Variants in PLXNA2 observed in about 807,000 individuals in gnomAD.
PLXNA2 encodes the protein plexin-A2.
Under a neutral mutation model 193.5 loss-of-function variants are expected in PLXNA2, and 91 were observed. The ratio of observed to expected loss-of-function variants is 0.47; its 90% CI spans 0.40 to 0.56. The LOEUF is 0.56. PLXNA2 is among the 20% of genes least tolerant of loss of function. The pLI, the probability that PLXNA2 is intolerant of heterozygous loss-of-function variation, is 0.00. For missense variants in PLXNA2, 1,995 were observed against 2,503.2 expected (o/e 0.80, Z 4.33); for synonymous variants, 997 against 1,027.3 (o/e 0.97, Z 0.56).
rs758852841 is a variant in PLXNA2, at chr1:208,152,677, A to ACACGCG, written c.1372-10215_1372-10214insCGCGTG. Among the ~76,000 whole-genome samples, 70 of 117,732 alleles carry ACACGCG rather than the reference A, an allele frequency of 5.9e-4. No homozygotes were observed. In the South Asian group the frequency reaches 6.1e-3, roughly 10 times the overall value. The allele number at this position is 117,732 out of a possible 152,430, so 77.2% of individuals were successfully genotyped here. On this transcript the variant is annotated intron_variant, in intron 3 of 31. Coordinates refer to ENST00000367033, the MANE Select transcript of PLXNA2 (RefSeq NM_025179.4). Reference sequence around the variant, plus strand: ...TATTCATGCATACACATACACACACACACACGCACACACACACACACACAC... The same window carrying ACACGCG: ...TATTCATGCATACACATACACACACACACGCGCACACGCACACACACACACACACAC...
chr1:208,054,637 G>T, intron 13 of PLXNA2, 99 bp from the exon 14 acceptor site: 1 of 817,928 alleles, frequency 1.2e-6, no homozygotes, highest in Non-Finnish European at 2.1e-6. Flanking sequence ...TCACAGTCTT[G>T]CAATAATGCC....
chr1:208,050,410 T>A (rs1665219517), intron 17 of PLXNA2, among the ~76,000 whole-genome samples: 1 of 152,266 alleles, frequency 6.6e-6, no homozygotes, highest in African/African-American at 2.4e-5. Context: ...GGGTTTTCAC[T>A]GGACCTCAAA....
chr1:208,029,763 C>G, intron 29 of PLXNA2: 1 of 985,588 alleles, frequency 1.0e-6, no homozygotes, highest in Non-Finnish European at 1.2e-6. Context: ...GAATTTATAA[C>G]CAGAGGAGAA....
intron 4 of PLXNA2, among the ~76,000 whole-genome samples, chr1:208,139,390 A>G (rs1668401682): frequency 6.6e-6 from 1 of 152,150 alleles, no homozygotes; most frequent in Non-Finnish European, 1.5e-5. Context: ...ATCACACACC[A>G]TCTCTATACT....
At chr1:208,051,193 A>C in intron 16 of PLXNA2, 63 bp downstream of exon 16, 14 of 1,595,202 alleles carry the variant, frequency 8.8e-6, no homozygotes, top group South Asian at 3.4e-5. Flanking sequence ...CATGAGCCAG[A>C]CTTGGGCTGC....
chr1:208,039,490 C>G, intron 24 of PLXNA2, 131 bp downstream of exon 24: 1 of 1,298,032 alleles, frequency 7.7e-7, no homozygotes, highest in African/African-American at 1.5e-5. Context: ...CTTAGTTGTC[C>G]TTTGGGCTCA....
Position 208,039,764 on chromosome 1 carries a change from A to C in PLXNA2, c.4357T>G (p.Cys1453Gly). ...AFLLHKFLKE[C>G]AGEPLFMLYC... is the part of the protein sequence containing the mutation. ...AGCATGAAGAGTGGCTCCCCTGCGCACTCCTGTGGGCACAGACAGGGCAGG... is the reference window on the plus strand; with the variant it reads ...AGCATGAAGAGTGGCTCCCCTGCGCCCTCCTGTGGGCACAGACAGGGCAGG... The change falls in exon 24 of 32, where the codon TGC becomes GGC. Residue 1453 changes from cysteine to glycine, a missense_variant. Physicochemically the swap from Cys to Gly is radical, Grantham distance 159. Coordinates refer to ENST00000367033, the MANE Select transcript of PLXNA2 (RefSeq NM_025179.4). 2 of 1,613,518 alleles carry C rather than the reference A, an allele frequency of 1.2e-6. No homozygotes were observed. Among genetic ancestry groups the C allele is most frequent in the Non-Finnish European group, 1.7e-6 (2 of 1,179,882 alleles).
intron 12 of PLXNA2, 68 bp downstream of exon 12, chr1:208,079,192 T>C (rs1666251064): frequency 4.4e-6 from 6 of 1,358,580 alleles, no homozygotes; most frequent in Non-Finnish European, 6.2e-6. Flanking sequence ...CAATTTGCAC[T>C]CCTCTCCCAC....
chr1:208,039,063 T>C, intron 24 of PLXNA2, 79 bp from the exon 25 acceptor site: 1 of 1,356,408 alleles, frequency 7.4e-7, no homozygotes, highest in East Asian at 2.3e-5. Flanking sequence ...CCTCAGAATC[T>C]TCTTTTTCCA....
chr1:208,135,374 G>A (rs2102473039), intron 4 of PLXNA2, among the ~76,000 whole-genome samples: 1 of 152,318 alleles, frequency 6.6e-6, no homozygotes, highest in East Asian at 1.9e-4. Context: ...AAGTCACTGA[G>A]AGGCCTGCTC....
chr1:208,220,929 GA>G (rs548872598), intron 1 of PLXNA2, among the ~76,000 whole-genome samples: 320 of 152,312 alleles, frequency 2.1e-3, no homozygotes, highest in Non-Finnish European at 3.4e-3. Flanking sequence ...GTGGCAAGGG[GA>G]AAGAAATAGA....
chr1:208,029,234 G>A, intron 29 of PLXNA2, 192 bp from the exon 30 acceptor site: 1 of 1,413,328 alleles, frequency 7.1e-7, no homozygotes, highest in Non-Finnish European at 9.2e-7. Flanking sequence ...GGAAGGAGAG[G>A]CACTTTGTAC....
chr1:208,082,310 T>A lies in PLXNA2; in HGVS notation c.2395+102A>T. On this transcript the variant is annotated intron_variant, in intron 11 of 31. Transcript: ENST00000367033. The surrounding 1 kb of genome is among the most constrained non-coding windows in gnomAD (Gnocchi z 4.2). ...AAGAGTTCCGCCGACAGAGGGAGTG[T>A]ATTATTCATGGCACAGCGGCTGGCT... The A allele has an allele frequency of 1.2e-6, 1 of 849,068 alleles. No individual in the cohort carries two copies. The highest frequency in any genetic ancestry group is 2.0e-6 in the Non-Finnish European group (1 of 509,486). The allele number at this position is 849,068 out of a possible 1,614,324, so 52.6% of individuals were successfully genotyped here.
chr1:208,038,478 G>C lies in PLXNA2; in HGVS notation c.4661-4C>G, dbSNP rs1320584858. The C allele has an allele frequency of 3.1e-6, 5 of 1,609,154 alleles. No homozygotes were observed. In the East Asian group the frequency reaches 1.1e-4, roughly 36 times the overall value. ...GCGATCCGGCCTTGGCGCCACTCTGGGTGGAGGGGGTGGTGCAGGGAGCGG... is the reference window on the plus strand; with the variant it reads ...GCGATCCGGCCTTGGCGCCACTCTGCGTGGAGGGGGTGGTGCAGGGAGCGG... On this transcript the variant is annotated splice_region_variant and splice_polypyrimidine_tract_variant and intron_variant, in intron 25 of 31. Coordinates refer to ENST00000367033, the MANE Select transcript of PLXNA2 (RefSeq NM_025179.4). This position sits in a 1 kb window ranked among gnomAD's most constrained non-coding sequence, Gnocchi z 4.1.
rs751893998 is a variant in PLXNA2 at position 208,168,723 on chromosome 1, G to GTTTTTTTTTTTTTTT, written c.1372-26261_1372-26260insAAAAAAAAAAAAAAA. ...CAAAAAGAAGACAAAGAGTATGCGG[G>GTTTTTTTTTTTTTTT]GTTTTTTTTTTTTTTTTTTTTTTTT... is the stretch of plus-strand genomic sequence containing the variant. On this transcript the variant is annotated intron_variant, in intron 3 of 31. Transcript: ENST00000367033. 4.0e-3 allele frequency among the ~76,000 whole-genome samples: 406 copies of GTTTTTTTTTTTTTTT among 102,190 alleles called. 101 individuals carry two copies. The highest frequency in any genetic ancestry group is 4.7e-3 in the Admixed American group (36 of 7,696). 67.0% of individuals were successfully genotyped at this position (102,190 alleles called of 152,430 possible). A position where few individuals can be genotyped will look rare whatever the true frequency, so the allele number is the denominator to read the frequency against.
chr1:208,043,264 G>A (rs746594569), intron 20 of PLXNA2, 61 bp from the exon 21 acceptor site: 33 of 1,563,154 alleles, frequency 2.1e-5, no homozygotes, highest in Non-Finnish European at 2.7e-5. Context: ...AGGAGAAAGA[G>A]GGAGAAGAAG....
At chr1:208,241,182 G>C (rs1489565055) in intron 1 of PLXNA2, among the ~76,000 whole-genome samples, 3 of 152,192 alleles carry the variant, frequency 2.0e-5, no homozygotes, top group Admixed American at 6.5e-5. Context: ...TGGTAAATGG[G>C]AAAGGGACCT....
chr1:208,038,741 C>A lies in PLXNA2; in HGVS notation c.4660+84G>T. 3 of 1,404,022 alleles carry A rather than the reference C, an allele frequency of 2.1e-6. No homozygotes were observed. Among genetic ancestry groups the A allele is most frequent in the Middle Eastern group, 1.8e-4 (1 of 5,508 alleles). The allele number at this position is 1,404,022 out of a possible 1,614,324, so 87.0% of individuals were successfully genotyped here. On this transcript the variant is annotated intron_variant, in intron 25 of 31. Coordinates refer to ENST00000367033, the MANE Select transcript of PLXNA2 (RefSeq NM_025179.4). This position sits in a 1 kb window ranked among gnomAD's most constrained non-coding sequence, Gnocchi z 4.1. ...CTCAGCTGGCCAGGACACAGTCATG[C>A]CCCTGCAAGGGTTGTGTGCATGGCA...
At chr1:208,065,506 C>A (rs1291006943) in intron 12 of PLXNA2, among the ~76,000 whole-genome samples, 1 of 152,124 alleles carries the variant, frequency 6.6e-6, no homozygotes, top group Non-Finnish European at 1.5e-5. Flanking sequence ...GAGAGTAGGT[C>A]TTGATAATTG....
Sources: gnomAD v4.1 joint callset for allele counts (sites outside exome capture counted in the v4.1 genomes callset) on GRCh38, gnomAD v4.1.1 for gene constraint, Gnocchi (gnomAD v3.1) non-coding constraint, MANE v1.5 for transcripts, NCBI Gene and HGNC (gene_info 2026-07-23, HGNC 2026-07-21) for gene names.